Variants in TCF4 observed in about 807,000 individuals in gnomAD.
TCF4 encodes SL3-3 enhancer factor 2.
In TCF4, 3 loss-of-function variants were observed where a neutral mutation model predicts 82.1. The observed-to-expected ratio is 0.04, with a 90% confidence interval of 0.02 to 0.09. TCF4 has a LOEUF of 0.09. Among genes scored for constraint, TCF4 ranks in the 10% least tolerant of loss-of-function variants. TCF4 has a pLI of 1.00. For missense variants in TCF4, 518 were observed against 852.7 expected (o/e 0.61, Z 4.89); for synonymous variants, 276 against 309.6 (o/e 0.89, Z 1.14).
intron 8 of TCF4, among the ~76,000 whole-genome samples, chr18:55,310,450 C>T (rs2071973703): frequency 6.6e-6 from 1 of 152,136 alleles, no homozygotes; most frequent in African/African-American, 2.4e-5. Flanking sequence ...AAATGTGGCA[C>T]CTAAGGAGTG....
intron 5 of TCF4, among the ~76,000 whole-genome samples, chr18:55,446,922 C>G (rs2095535367): frequency 6.8e-6 from 1 of 147,062 alleles, no homozygotes; most frequent in Non-Finnish European, 1.5e-5. Flanking sequence ...GGAGGTGGAG[C>G]TAGCAGTGAG....
intron 1 of TCF4, among the ~76,000 whole-genome samples, chr18:55,635,290 C>T (rs942384227): frequency 6.6e-6 from 1 of 152,112 alleles, no homozygotes; most frequent in African/African-American, 2.4e-5. Context: ...GGACAGATCA[C>T]TTGAAGTCAG....
chr18:55,444,082 T>C (rs772222398), intron 5 of TCF4, among the ~76,000 whole-genome samples: 4 of 152,316 alleles, frequency 2.6e-5, no homozygotes, highest in East Asian at 1.9e-4. Context: ...TCACTTCCTA[T>C]ATCAACAGAG....
chr18:55,353,617 G>C (rs1473383989), intron 6 of TCF4, among the ~76,000 whole-genome samples: 1 of 152,148 alleles, frequency 6.6e-6, no homozygotes, highest in Non-Finnish European at 1.5e-5. Context: ...TCTTATTGTA[G>C]AGTATACTTA....
chr18:55,580,780 A>G lies in TCF4; in HGVS notation c.145+4500T>C, dbSNP rs562908926. On this transcript the variant is annotated intron_variant, in intron 3 of 19. Transcript: ENST00000354452. ...TGTGTGTGTGTGTGTGTGTGTGTGT[A>G]TAGAACTCAGGACTTTGAGCTAGAC... Among the ~76,000 whole-genome samples the G allele has an allele frequency of 1.8e-4, 25 of 140,404 alleles. 1 individual carries two copies. In the South Asian group the frequency reaches 2.6e-3, roughly 14 times the overall value. 92.1% of individuals were successfully genotyped at this position (140,404 alleles called of 152,430 possible). A position where few individuals can be genotyped will look rare whatever the true frequency, so the allele number is the denominator to read the frequency against.
In TCF4 at chr18:55,345,295, CAA is replaced by C. The variant is rs11332509; in HGVS notation, c.549+5062_549+5063del. Among the ~76,000 whole-genome samples the C allele has an allele frequency of 4.1e-3, 576 of 139,026 alleles. 2 individuals are homozygous for C. The highest frequency in any genetic ancestry group is 0.012 in the East Asian group (61 of 4,930). The allele number at this position is 139,026 out of a possible 152,430, so 91.2% of individuals were successfully genotyped here. A position where few individuals can be genotyped will look rare whatever the true frequency, so the allele number is the denominator to read the frequency against. On this transcript the variant is annotated intron_variant, in intron 8 of 19. Coordinates refer to ENST00000354452, the MANE Select transcript of TCF4 (RefSeq NM_001083962.2). ...ATAGAGAAGATAAGATTGGTTTTCA[CAA>C]AAAAAAAAAAACGCACATGCTGAAC...
At chr18:55,404,134 A>C in intron 5 of TCF4, 1 of 669,482 alleles carries the variant, frequency 1.5e-6, no homozygotes, top group Non-Finnish European at 2.0e-6. Flanking sequence ...GATTCCACCA[A>C]TAGACCCAGC....
At chr18:55,457,535 G>A (rs748067227) in intron 5 of TCF4, among the ~76,000 whole-genome samples, 3 of 151,998 alleles carry the variant, frequency 2.0e-5, no homozygotes, top group Non-Finnish European at 2.9e-5. Flanking sequence ...GCCCAGGTTG[G>A]GGTGCAATGG....
At chr18:55,425,138 T>C (rs919349279) in intron 5 of TCF4, among the ~76,000 whole-genome samples, 6 of 152,186 alleles carry the variant, frequency 3.9e-5, no homozygotes, top group East Asian at 1.9e-4. Flanking sequence ...CTTCATGTAA[T>C]GGTGGAAAAA....
chr18:55,598,370 C>G (rs546537130), intron 2 of TCF4, among the ~76,000 whole-genome samples: 31 of 152,056 alleles, frequency 2.0e-4, no homozygotes, highest in Non-Finnish European at 4.4e-4. Flanking sequence ...ATCCATTGGC[C>G]TTTTTTCTAT....
chr18:55,463,142 T>G (rs1007953237), intron 4 of TCF4, among the ~76,000 whole-genome samples: 1 of 152,202 alleles, frequency 6.6e-6, no homozygotes, highest in African/African-American at 2.4e-5. Flanking sequence ...GGTTTTACCA[T>G]GTACACGAAG....
In TCF4 at chr18:55,538,023, C is replaced by T. The variant is rs569142719; in HGVS notation, c.145+47257G>A. On this transcript the variant is annotated intron_variant, in intron 3 of 19. Coordinates refer to ENST00000354452, the MANE Select transcript of TCF4 (RefSeq NM_001083962.2). ...AGTCTGGATTTTGCTAGTCTGCGCGCGCGCACACACACACACACACACACA... is the reference window on the plus strand; with the variant it reads ...AGTCTGGATTTTGCTAGTCTGCGCGTGCGCACACACACACACACACACACA... Among the ~76,000 whole-genome samples, 14 of 137,394 alleles carry T rather than the reference C, an allele frequency of 1.0e-4. 1 individual carries two copies. In the South Asian group the frequency reaches 2.7e-3, roughly 27 times the overall value. The allele number at this position is 137,394 out of a possible 152,430, so 90.1% of individuals were successfully genotyped here.
intron 3 of TCF4, among the ~76,000 whole-genome samples, chr18:55,570,599 C>T (rs1243276388): frequency 6.6e-6 from 1 of 151,974 alleles, no homozygotes; most frequent in Non-Finnish European, 1.5e-5. Context: ...GACCACAATG[C>T]GGCCCTGTGT....
intron 8 of TCF4, among the ~76,000 whole-genome samples, chr18:55,334,735 CAT>C (rs2078286146): frequency 6.6e-6 from 1 of 152,132 alleles, no homozygotes; most frequent in Non-Finnish European, 1.5e-5. Context: ...CAAAATAATT[CAT>C]AGTCTGTTCT....
intron 1 of TCF4, among the ~76,000 whole-genome samples, chr18:55,632,163 C>T (rs983422372): frequency 8.5e-5 from 13 of 152,134 alleles, no homozygotes; most frequent in African/African-American, 3.1e-4. Flanking sequence ...CTCAGCCTCC[C>T]GACTAGCTGG....
intron 8 of TCF4, among the ~76,000 whole-genome samples, chr18:55,298,945 GATCA>G (rs901273430): frequency 3.9e-4 from 59 of 152,152 alleles, no homozygotes; most frequent in African/African-American, 1.4e-3. Context: ...CTCTAGAGTC[GATCA>G]GACAGACATT....
chr18:55,551,693 T>C (rs1223914671), intron 3 of TCF4: 6 of 152,344 alleles, frequency 3.9e-5, no homozygotes, highest in African/African-American at 1.4e-4. Context: ...CTGCACCTCA[T>C]ACTTGCCAAG....
intron 8 of TCF4, among the ~76,000 whole-genome samples, chr18:55,293,182 A>G (rs1378656322): frequency 6.6e-6 from 1 of 152,118 alleles, no homozygotes; most frequent in Non-Finnish European, 1.5e-5. Context: ...CTTAAGTTAC[A>G]TGTTGTCCTT....
rs902438099 is a variant in TCF4, at chr18:55,343,986, C to CAA, written c.549+6371_549+6372dup. ...CAGTGCAGTTATGTAAAAAATCAAA[C>CAA]AAAAGCCAAGACAAAGCAAGTGTCT... On this transcript the variant is annotated intron_variant, in intron 8 of 19. Transcript: ENST00000354452. 5.3e-5 allele frequency among the ~76,000 whole-genome samples: 8 copies of CAA among 152,112 alleles called. No homozygotes were observed. In the South Asian group the frequency reaches 6.2e-4, roughly 12 times the overall value.
Sources: allele counts gnomAD v4.1 joint callset (sites outside exome capture counted in the v4.1 genomes callset), GRCh38; gene constraint gnomAD v4.1.1; transcripts MANE v1.5; gene names NCBI Gene and HGNC (gene_info 2026-07-23, HGNC 2026-07-21).